Variants in LANCL2 observed in about 807,000 individuals in gnomAD.
LANCL2 encodes LanC like glutathione S-transferase 2.
A neutral mutation model predicts 56.9 loss-of-function variants in LANCL2; 33 were observed. The ratio of observed to expected loss-of-function variants is 0.58; its 90% CI spans 0.44 to 0.78. The LOEUF (loss-of-function observed/expected upper bound fraction) is 0.78, where lower values mean the gene tolerates loss of function less well. LANCL2 is among the 30% of genes least tolerant of loss of function. The pLI is 0.00. For missense variants in LANCL2, 562 were observed against 580.2 expected (o/e 0.97, Z 0.32); for synonymous variants, 233 against 228.2 (o/e 1.02, Z -0.19).
intron 5 of LANCL2, among the ~76,000 whole-genome samples, chr7:55,403,433 G>A (rs1205465991): frequency 2.0e-5 from 3 of 152,020 alleles, no homozygotes; most frequent in Non-Finnish European, 2.9e-5. Context: ...GGAGACCGTG[G>A]AAAGAGAGGG....
At chr7:55,413,117 G>T (rs1330859645) in intron 6 of LANCL2, among the ~76,000 whole-genome samples, 1 of 152,216 alleles carries the variant, frequency 6.6e-6, no homozygotes, top group East Asian at 1.9e-4. Context: ...CGTTTGGTCA[G>T]TGAAACACAA....
chr7:55,424,048 C>G (rs1790636526), intron 6 of LANCL2, among the ~76,000 whole-genome samples: 1 of 152,192 alleles, frequency 6.6e-6, no homozygotes, highest in Non-Finnish European at 1.5e-5. Context: ...TCCAGCTCAT[C>G]AGTCACAAGT....
At chr7:55,403,278 CA>C (rs919035706) in intron 5 of LANCL2, among the ~76,000 whole-genome samples, 2 of 152,186 alleles carry the variant, frequency 1.3e-5, no homozygotes, top group African/African-American at 4.8e-5. Context: ...CCGTCTCCAC[CA>C]AAAAAATACG....
At chr7:55,404,621 CTTTTTTTTTT>C (rs1790384438) in intron 5 of LANCL2, among the ~76,000 whole-genome samples, 1 of 145,960 alleles carries the variant, frequency 6.9e-6, no homozygotes, top group Admixed American at 6.8e-5. Context: ...CTTTTTTTTT[CTTTTTTTTTT>C]GAGATGGAAT....
rs182932004 is a variant in LANCL2 at position 55,407,053 on chromosome 7, G to A, written c.826-4854G>A. Among the ~76,000 whole-genome samples the A allele has an allele frequency of 1.4e-3, 210 of 152,334 alleles. 2 individuals are homozygous for A. Among genetic ancestry groups the A allele is most frequent in the Non-Finnish European group, 4.0e-4 (27 of 68,030 alleles). ...CATACGTGGGCTTGGGGGACTCTCT[G>A]GCACAGGAGGCTTCTTTGAGCATGT... On this transcript the variant is annotated intron_variant, in intron 5 of 8. Coordinates refer to ENST00000254770, the MANE Select transcript of LANCL2 (RefSeq NM_018697.4).
At chr7:55,418,407 C>G (rs1052903773) in intron 6 of LANCL2, among the ~76,000 whole-genome samples, 4 of 151,470 alleles carry the variant, frequency 2.6e-5, no homozygotes, top group Admixed American at 2.0e-4. Context: ...CTCAAACTCC[C>G]AAGTTCAAGG....
intron 2 of LANCL2, among the ~76,000 whole-genome samples, chr7:55,394,893 G>A (rs1429012441): frequency 6.6e-6 from 1 of 152,220 alleles, no homozygotes; most frequent in Admixed American, 6.5e-5. Context: ...CAGGGAATGG[G>A]GTTGGAGAGC....
chr7:55,378,416 A>G (rs772599372), intron 1 of LANCL2, among the ~76,000 whole-genome samples: 59 of 152,210 alleles, frequency 3.9e-4, no homozygotes, highest in Non-Finnish European at 6.3e-4. Context: ...AGCTGAGATC[A>G]CACCACTGCA....
At chr7:55,376,032 G>T (rs1048572957) in intron 1 of LANCL2, among the ~76,000 whole-genome samples, 12 of 152,114 alleles carry the variant, frequency 7.9e-5, no homozygotes, top group Non-Finnish European at 1.6e-4. Flanking sequence ...GATTAGATGG[G>T]CCCCGCTTGG....
intron 6 of LANCL2, 127 bp downstream of exon 6, chr7:55,412,216 C>T: frequency 1.2e-6 from 1 of 831,178 alleles, no homozygotes; most frequent in Middle Eastern, 3.8e-4. Context: ...ATTGTTTTTA[C>T]AAAATAAAGT....
At position 55,395,123 on chromosome 7, in the gene LANCL2, G is replaced by GT. The variant is rs571988781; in HGVS notation, c.322+3215dup. Among the ~76,000 whole-genome samples, 192 of 152,312 alleles carry GT rather than the reference G, an allele frequency of 1.3e-3. 2 individuals are homozygous for GT. The highest frequency in any genetic ancestry group is 4.5e-3 in the African/African-American group (188 of 41,564). ...GCAAGAGGACACTGTTGGGATAAAA[G>GT]TTGGGAAAGCTACATTAACCATTTT... On this transcript the variant is annotated intron_variant, in intron 2 of 8. Transcript: ENST00000254770.
chr7:55,411,566 C>G (rs376064560), intron 5 of LANCL2, among the ~76,000 whole-genome samples: 20 of 152,138 alleles, frequency 1.3e-4, no homozygotes, highest in East Asian at 9.7e-4. Flanking sequence ...GGTGTGAGCC[C>G]CATGGAAGGA....
chr7:55,381,475 G>A lies in LANCL2; in HGVS notation c.205-10318G>A, dbSNP rs563653698. On this transcript the variant is annotated intron_variant, in intron 1 of 8. Coordinates refer to ENST00000254770, the MANE Select transcript of LANCL2 (RefSeq NM_018697.4). ...GACCCAAAGAAGCTTAGCTAAAGAC[G>A]AAAGATAGAAATTGAGAGGAGAGCT... 4.0e-3 allele frequency among the ~76,000 whole-genome samples: 610 copies of A among 152,298 alleles called. 1 individual carries two copies. The highest frequency in any genetic ancestry group is 0.012 in the South Asian group (56 of 4,826).
intron 1 of LANCL2, among the ~76,000 whole-genome samples, chr7:55,381,718 A>C (rs1478013507): frequency 6.6e-6 from 1 of 152,258 alleles, no homozygotes; most frequent in African/African-American, 2.4e-5. Flanking sequence ...TAAGTGTTTT[A>C]ATGTGTGTAT....
chr7:55,379,328 G>A (rs969159580), intron 1 of LANCL2, among the ~76,000 whole-genome samples: 1 of 152,114 alleles, frequency 6.6e-6, no homozygotes, highest in African/African-American at 2.4e-5. Context: ...GAAAAATTAG[G>A]GAAGTTCTGT....
At chr7:55,386,039 T>A (rs1461420906) in intron 1 of LANCL2, among the ~76,000 whole-genome samples, 1 of 151,978 alleles carries the variant, frequency 6.6e-6, no homozygotes, top group Admixed American at 6.5e-5. Flanking sequence ...GCGGTCAGAG[T>A]TTAAGGTTAT....
chr7:55,408,543 C>T (rs1389624010), intron 5 of LANCL2, among the ~76,000 whole-genome samples: 1 of 152,136 alleles, frequency 6.6e-6, no homozygotes, highest in Admixed American at 6.5e-5. Flanking sequence ...ATAGCGGGCA[C>T]CTGCAATCCC....
intron 8 of LANCL2, 45 bp from the exon 9 acceptor site, chr7:55,431,181 C>G (rs745949849): frequency 1.4e-6 from 2 of 1,416,988 alleles, no homozygotes; most frequent in East Asian, 4.6e-5. Flanking sequence ...GTTATAGACA[C>G]TACCCTTATG....
intron 5 of LANCL2, among the ~76,000 whole-genome samples, chr7:55,406,112 C>T (rs149165536): frequency 4.9e-4 from 74 of 152,136 alleles, no homozygotes; most frequent in African/African-American, 1.7e-3. Flanking sequence ...GCCAGGTGGC[C>T]GAATGTATGT....
Sources: gnomAD v4.1 joint callset for allele counts (sites outside exome capture counted in the v4.1 genomes callset) on GRCh38, gnomAD v4.1.1 for gene constraint, MANE v1.5 for transcripts, NCBI Gene and HGNC (gene_info 2026-07-23, HGNC 2026-07-21) for gene names.